The following PARD3 variants were observed in gnomAD, a reference collection of about 807,000 sequenced individuals.
PARD3 encodes the protein partitioning defective 3 homolog.
PARD3 carries 75 observed loss-of-function variants against 155.4 expected under a neutral mutation model. The ratio of observed to expected loss-of-function variants is 0.48; its 90% confidence interval spans 0.40 to 0.58. PARD3 has a LOEUF of 0.58. PARD3 is among the 20% of genes least tolerant of loss of function. The probability of loss-of-function intolerance (pLI) is 0.00; values close to 1 mark genes in which losing one functional copy is unlikely to be tolerated. For missense variants in PARD3, 1,642 were observed against 1,721.7 expected (o/e 0.95, Z 0.82); for synonymous variants, 576 against 610.5 (o/e 0.94, Z 0.83).
At chr10:34,340,783 C>T (rs1836727130) in intron 16 of PARD3, among the ~76,000 whole-genome samples, 1 of 151,998 alleles carries the variant, frequency 6.6e-6, no homozygotes, top group Non-Finnish European at 1.5e-5. Context: ...AATGTTGACA[C>T]AAGCCAGAAA....
At chr10:34,735,052 G>A (rs1370003213) in intron 1 of PARD3, among the ~76,000 whole-genome samples, 1 of 150,658 alleles carries the variant, frequency 6.6e-6, no homozygotes, top group Non-Finnish European at 1.5e-5. Flanking sequence ...AGAAAAGGAT[G>A]TAAACATGTG....
chr10:34,747,338 AT>A (rs1239562175), intron 1 of PARD3, among the ~76,000 whole-genome samples: 1 of 152,202 alleles, frequency 6.6e-6, no homozygotes, highest in Non-Finnish European at 1.5e-5. Flanking sequence ...TAAGGTGGCA[AT>A]TCGTTTTCCA....
chr10:34,114,111 A>C (rs1946540908), intron 24 of PARD3, among the ~76,000 whole-genome samples: 1 of 151,946 alleles, frequency 6.6e-6, no homozygotes, highest in South Asian at 2.1e-4. Context: ...GTTTTGAAAA[A>C]ATTAGCCAGG....
chr10:34,179,529 G>A (rs1161657442), intron 22 of PARD3, among the ~76,000 whole-genome samples: 2 of 152,142 alleles, frequency 1.3e-5, no homozygotes, highest in African/African-American at 4.8e-5. Context: ...AAATAGTCCA[G>A]AAAATCGCTG....
chr10:34,569,186 A>G (rs1192163865), intron 2 of PARD3, among the ~76,000 whole-genome samples: 1 of 152,184 alleles, frequency 6.6e-6, no homozygotes, highest in Non-Finnish European at 1.5e-5. Context: ...GTATTGCATT[A>G]AGGTTCAAAC....
chr10:34,296,518 T>C (rs1483317806), intron 20 of PARD3, among the ~76,000 whole-genome samples: 1 of 152,176 alleles, frequency 6.6e-6, no homozygotes, highest in Non-Finnish European at 1.5e-5. Flanking sequence ...CATGAGCTCA[T>C]ACCTGACCAA....
intron 20 of PARD3, among the ~76,000 whole-genome samples, chr10:34,294,909 A>C (rs1956836546): frequency 6.6e-6 from 1 of 152,138 alleles, no homozygotes; most frequent in Non-Finnish European, 1.5e-5. Flanking sequence ...GGAGAGTTTA[A>C]CACACAGAGA....
chr10:34,231,266 CAAAAA>C (rs57175956), intron 22 of PARD3, among the ~76,000 whole-genome samples: 130 of 81,848 alleles, frequency 1.6e-3, no homozygotes, highest in African/African-American at 4.6e-3. Flanking sequence ...TAATCTTAGG[CAAAAA>C]AAAAAAAAAA....
intron 2 of PARD3, among the ~76,000 whole-genome samples, chr10:34,641,205 A>C (rs1046144315): frequency 6.6e-6 from 1 of 152,210 alleles, no homozygotes; most frequent in Non-Finnish European, 1.5e-5. Flanking sequence ...TTTATAATTA[A>C]AAGAACTCCG....
chr10:34,768,391 CGGG>C (rs1564599450), intron 1 of PARD3, among the ~76,000 whole-genome samples: 14 of 151,462 alleles, frequency 9.2e-5, no homozygotes, highest in African/African-American at 3.4e-4. Flanking sequence ...GAAGCAAAGG[CGGG>C]ACAACTCGAA....
At chr10:34,387,289 G>A (rs969048881) in intron 7 of PARD3, among the ~76,000 whole-genome samples, 4 of 151,884 alleles carry the variant, frequency 2.6e-5, no homozygotes, top group South Asian at 2.1e-4. Flanking sequence ...ATATATAAAC[G>A]GTCTTCAATG....
intron 24 of PARD3, among the ~76,000 whole-genome samples, chr10:34,116,172 T>C (rs915873968): frequency 2.6e-5 from 4 of 152,234 alleles, no homozygotes; most frequent in African/African-American, 9.6e-5. Context: ...AAAATGTAAC[T>C]TGATTTCTGT....
At chr10:34,174,957 A>G (rs948207995) in intron 22 of PARD3, among the ~76,000 whole-genome samples, 9 of 152,152 alleles carry the variant, frequency 5.9e-5, no homozygotes, top group African/African-American at 2.2e-4. Flanking sequence ...TTTAAGATTC[A>G]TTGTATTTTT....
chr10:34,514,786 T>G (rs1380404172), intron 3 of PARD3, among the ~76,000 whole-genome samples: 1 of 152,220 alleles, frequency 6.6e-6, no homozygotes, highest in African/African-American at 2.4e-5. Flanking sequence ...GTTAGAAATT[T>G]TGTTGAGTCC....
chr10:34,197,879 G>C (rs571660115), intron 22 of PARD3, among the ~76,000 whole-genome samples: 1 of 152,144 alleles, frequency 6.6e-6, no homozygotes, highest in South Asian at 2.1e-4. Flanking sequence ...ACAGGCGCAC[G>C]CCACCACGCC....
chr10:34,394,064 T>C lies in PARD3; in HGVS notation c.890+5266A>G, dbSNP rs570555531. ...TGTTGGCCAGGATGGACTCGATCTC[T>C]TGACTTCATGATCCGCCCGCCTCAG... On this transcript the variant is annotated intron_variant, in intron 7 of 24. Transcript: ENST00000374788. 1.7e-3 allele frequency among the ~76,000 whole-genome samples: 251 copies of C among 152,030 alleles called. 4 individuals are homozygous for C. Among genetic ancestry groups the C allele is most frequent in the African/African-American group, 5.8e-3 (241 of 41,488 alleles).
intron 1 of PARD3, among the ~76,000 whole-genome samples, chr10:34,726,988 CAAAT>C (rs941846593): frequency 6.6e-6 from 1 of 152,134 alleles, no homozygotes; most frequent in Non-Finnish European, 1.5e-5. Context: ...TAAGCTCAGA[CAAAT>C]AAAAGCTCTG....
intron 2 of PARD3, among the ~76,000 whole-genome samples, chr10:34,606,952 A>C (rs1204392382): frequency 7.2e-6 from 1 of 138,864 alleles, no homozygotes; most frequent in South Asian, 2.4e-4. Flanking sequence ...GGTGACAGAG[A>C]GAGACTCTGT....
Position 34,126,192 on chromosome 10 carries a change from G to A in PARD3, c.3540+5271C>T, listed in dbSNP as rs193246102. ...ATTATGGAGCTAAGGAAATTTTCTG[G>A]GCCTCTGCTCATCTAAAGACCTTTT... is the stretch of plus-strand genomic sequence containing the variant. On this transcript the variant is annotated intron_variant, in intron 23 of 24. Coordinates refer to ENST00000374788, the MANE Select transcript of PARD3 (RefSeq NM_001184785.2). Among the ~76,000 whole-genome samples the A allele has an allele frequency of 5.3e-5, 8 of 152,218 alleles. No homozygotes were observed. In the East Asian group the frequency reaches 9.6e-4, roughly 18 times the overall value.
Sources: allele counts gnomAD v4.1 joint callset (sites outside exome capture counted in the v4.1 genomes callset), GRCh38; gene constraint gnomAD v4.1.1; transcripts MANE v1.5; gene names NCBI Gene and HGNC (gene_info 2026-07-23, HGNC 2026-07-21).